The following SYTL3 variants were observed in gnomAD, a reference collection of about 807,000 sequenced individuals.
The protein encoded by SYTL3 is synaptotagmin like 3, also known as synaptotagmin-like protein 3.
A neutral mutation model predicts 82.1 loss-of-function variants in SYTL3; 88 were observed. That is an observed-to-expected ratio of 1.07 (90% CI 0.90 to 1.28). The LOEUF (loss-of-function observed/expected upper bound fraction) is 1.28. Among genes scored for constraint, SYTL3 ranks in the 50% most tolerant of loss-of-function variants. The pLI is 0.00. For synonymous variants in SYTL3, 311 were observed against 289.4 expected (o/e 1.07, Z -0.76); for missense variants, 831 against 757.6 (o/e 1.10, Z -1.14).
At chr6:158,652,041 C>T (rs1788084479) in intron 2 of SYTL3, among the ~76,000 whole-genome samples, 199 bp downstream of exon 2, 1 of 150,700 alleles carries the variant, frequency 6.6e-6, no homozygotes, top group Non-Finnish European at 1.5e-5. Flanking sequence ...GATTCTCCTG[C>T]CTCAGCCTCC....
chr6:158,735,622 C>G (rs6906796), intron 11 of SYTL3, among the ~76,000 whole-genome samples: 1 of 151,926 alleles, frequency 6.6e-6, no homozygotes, highest in African/African-American at 2.4e-5. Context: ...AAACAAGGAT[C>G]GGAGTAAAAA....
intron 6 of SYTL3, among the ~76,000 whole-genome samples, chr6:158,685,616 C>T (rs1779215785): frequency 6.6e-6 from 1 of 151,990 alleles, no homozygotes; most frequent in South Asian, 2.1e-4. Context: ...ATTGGGAGTT[C>T]GAGACCAGCC....
intron 10 of SYTL3, among the ~76,000 whole-genome samples, chr6:158,719,366 T>A (rs1447461357): frequency 6.6e-6 from 1 of 152,192 alleles, no homozygotes; most frequent in Non-Finnish European, 1.5e-5. Flanking sequence ...GAGGCAGTGA[T>A]TCCCAGCTCT....
chr6:158,739,239 T>C (rs2128502749), intron 11 of SYTL3, among the ~76,000 whole-genome samples: 1 of 152,326 alleles, frequency 6.6e-6, no homozygotes, highest in Non-Finnish European at 1.5e-5. Flanking sequence ...ATCATTCTTT[T>C]TGGATTAAAC....
chr6:158,704,561 G>A (rs1781759840), intron 6 of SYTL3, among the ~76,000 whole-genome samples: 1 of 152,272 alleles, frequency 6.6e-6, no homozygotes. Context: ...GTGCAGGCAG[G>A]GCCGGCCTCA....
chr6:158,655,239 CTG>C (rs1788542695), intron 2 of SYTL3, among the ~76,000 whole-genome samples: 1 of 152,188 alleles, frequency 6.6e-6, no homozygotes, highest in Admixed American at 6.5e-5. Flanking sequence ...TTTCTGAAGA[CTG>C]AGGTTTTCTG....
Position 158,734,153 on chromosome 6 carries a change from T to TA in SYTL3, c.855+8524dup, listed in dbSNP as rs146329265. On this transcript the variant is annotated intron_variant, in intron 11 of 17. Coordinates refer to ENST00000611299, the MANE Select transcript of SYTL3 (RefSeq NM_001242394.2). Reference sequence around the variant, plus strand: ...TCTGCAAAAAGTAAAATTGCCTTGCTAAAAAAAACCTTTTTGTCTAAATGC... The same window carrying TA: ...TCTGCAAAAAGTAAAATTGCCTTGCTAAAAAAAAACCTTTTTGTCTAAATGC... Among the ~76,000 whole-genome samples, 1,231 of 148,442 alleles carry TA rather than the reference T, an allele frequency of 8.3e-3. 11 individuals carry two copies. Among genetic ancestry groups the TA allele is most frequent in the African/African-American group, 0.028 (1,128 of 39,932 alleles).
At chr6:158,665,680 C>T (rs552981840) in intron 5 of SYTL3, 67 bp downstream of exon 5, 25 of 1,264,892 alleles carry the variant, frequency 2.0e-5, no homozygotes, top group South Asian at 1.9e-4. Context: ...CTTTACAAAC[C>T]GCTCATAAAG....
At chr6:158,677,737 T>C (rs1228494066) in intron 5 of SYTL3, among the ~76,000 whole-genome samples, 5 of 149,166 alleles carry the variant, frequency 3.4e-5, no homozygotes, top group Admixed American at 1.3e-4. Flanking sequence ...AAAAGACTAT[T>C]TGAAATAAAA....
intron 12 of SYTL3, among the ~76,000 whole-genome samples, chr6:158,746,454 TAATAA>T (rs1787664193): frequency 8.0e-5 from 7 of 87,738 alleles, no homozygotes; most frequent in African/African-American, 2.1e-4. Context: ...ATAATAATAA[TAATAA>T]TATTATTATT....
intron 11 of SYTL3, among the ~76,000 whole-genome samples, chr6:158,737,788 A>G (rs1002613551): frequency 6.6e-6 from 1 of 152,168 alleles, no homozygotes; most frequent in African/African-American, 2.4e-5. Flanking sequence ...TGATGGATGG[A>G]CGTGCTCTGC....
chr6:158,728,985 G>A (rs187308271), intron 11 of SYTL3, among the ~76,000 whole-genome samples: 14 of 152,262 alleles, frequency 9.2e-5, no homozygotes, highest in Non-Finnish European at 1.2e-4. Context: ...CCTGGGAGGT[G>A]GGGCTTTCTG....
chr6:158,653,652 G>A (rs1788318291), intron 2 of SYTL3, among the ~76,000 whole-genome samples: 1 of 152,224 alleles, frequency 6.6e-6, no homozygotes, highest in Non-Finnish European at 1.5e-5. Flanking sequence ...AACTTCTCAA[G>A]GAAATAGCTG....
At chr6:158,672,804 T>C (rs1346808451) in intron 5 of SYTL3, among the ~76,000 whole-genome samples, 4 of 152,010 alleles carry the variant, frequency 2.6e-5, no homozygotes, top group African/African-American at 9.7e-5. Flanking sequence ...GCTAATTTTT[T>C]GTATTTTTTT....
intron 8 of SYTL3, among the ~76,000 whole-genome samples, chr6:158,709,776 G>T (rs1315913797): frequency 3.3e-5 from 5 of 152,132 alleles, no homozygotes. Flanking sequence ...ATCTAAAAAT[G>T]ATTTTGAAGA....
intron 11 of SYTL3, among the ~76,000 whole-genome samples, chr6:158,737,957 C>G (rs1424634013): frequency 6.6e-6 from 1 of 152,230 alleles, no homozygotes; most frequent in Non-Finnish European, 1.5e-5. Flanking sequence ...TGGGGCATGA[C>G]TCAACCTGCC....
Position 158,739,448 on chromosome 6 carries a change from CTT to C in SYTL3, c.856-6031_856-6030del, listed in dbSNP as rs546841973. Among the ~76,000 whole-genome samples, 550 of 152,222 alleles carry C rather than the reference CTT, an allele frequency of 3.6e-3. 1 individual carries two copies. The highest frequency in any genetic ancestry group is 2.9e-3 in the Non-Finnish European group (197 of 68,008). ...CTCTTAAATCTGTGGTTTATTGTCT[CTT>C]GTTAGTCTTTAGAAATTCTTAACCA... On this transcript the variant is annotated intron_variant, in intron 11 of 17. Coordinates refer to ENST00000611299, the MANE Select transcript of SYTL3 (RefSeq NM_001242394.2).
At chr6:158,763,161 T>C in intron 16 of SYTL3, 143 bp from the exon 17 acceptor site, 3 of 769,434 alleles carry the variant, frequency 3.9e-6, no homozygotes, top group Non-Finnish European at 6.5e-6. Flanking sequence ...GTCCTGTGGT[T>C]CCCACCCTGC....
At chr6:158,647,507 T>C (rs1271136388), upstream of SYTL3, among the ~76,000 whole-genome samples, 1 of 152,166 alleles carries the variant, frequency 6.6e-6, no homozygotes, top group Non-Finnish European at 1.5e-5. Context: ...GATATATCTG[T>C]AAATAGGAGG....
Sources: allele counts gnomAD v4.1 joint callset (sites outside exome capture counted in the v4.1 genomes callset), GRCh38; gene constraint gnomAD v4.1.1; transcripts MANE v1.5; gene names NCBI Gene and HGNC (gene_info 2026-07-23, HGNC 2026-07-21).